CHEK2: variants seen among roughly 807,000 people sequenced by gnomAD.
The protein encoded by CHEK2 is checkpoint kinase 2.
CHEK2 carries 71 observed loss-of-function variants against 69.1 expected under a neutral mutation model. The observed-to-expected ratio is 1.03, with a 90% confidence interval of 0.85 to 1.25. The LOEUF (loss-of-function observed/expected upper bound fraction) is 1.25, where lower values mean the gene tolerates loss of function less well. CHEK2 is among the 50% of genes most tolerant of loss of function. CHEK2 has a pLI of 0.00. For missense variants in CHEK2, 664 were observed against 649.6 expected (o/e 1.02, Z -0.24); for synonymous variants, 189 against 226.9 (o/e 0.83, Z 1.50).
intron 5 of CHEK2, among the ~76,000 whole-genome samples, chr22:28,717,718 T>C (rs1178632749): frequency 3.3e-5 from 5 of 151,288 alleles, no homozygotes; most frequent in Non-Finnish European, 5.9e-5. Flanking sequence ...CTACTAAAAA[T>C]ACAAAAAAAT....
intron 2 of CHEK2, among the ~76,000 whole-genome samples, chr22:28,730,773 G>T (rs2054191310): frequency 1.3e-5 from 2 of 152,254 alleles, no homozygotes; most frequent in African/African-American, 4.8e-5. Flanking sequence ...CAGGAGAATC[G>T]CTTGAAACCG....
At chr22:28,708,952 C>CAAAAAAAAAAAAAAAAA (rs374623367) in intron 7 of CHEK2, 27 of 330,834 alleles carry the variant, frequency 8.2e-5, no homozygotes, top group South Asian at 1.1e-4. Context: ...GCCTCCGTCT[C>CAAAAAAAAAAAAAAAAA]AAAAAAAAAA....
At chr22:28,721,961 A>C (rs1271671057) in intron 4 of CHEK2, among the ~76,000 whole-genome samples, 1 of 151,698 alleles carries the variant, frequency 6.6e-6, no homozygotes, top group Non-Finnish European at 1.5e-5. Context: ...GAATTCCTGG[A>C]CTCAAGCAAT....
chr22:28,738,826 C>G (rs2054485270), intron 1 of CHEK2, among the ~76,000 whole-genome samples: 1 of 152,172 alleles, frequency 6.6e-6, no homozygotes, highest in Non-Finnish European at 1.5e-5. Context: ...TAAAAAGCTT[C>G]TGCACAGCCA....
chr22:28,739,342 A>C (rs1941423106), intron 1 of CHEK2, among the ~76,000 whole-genome samples: 1 of 151,886 alleles, frequency 6.6e-6, no homozygotes. Flanking sequence ...AATGGCCAAC[A>C]GGTATATTAA....
chr22:28,710,196 C>A, intron 6 of CHEK2, 137 bp from the exon 7 acceptor site: 1 of 612,878 alleles, frequency 1.6e-6, no homozygotes. Context: ...AAATCAAAGC[C>A]CAGGTCAATG....
At chr22:28,700,851 G>A (rs568017757) in intron 8 of CHEK2, among the ~76,000 whole-genome samples, 16 of 152,074 alleles carry the variant, frequency 1.1e-4, no homozygotes, top group African/African-American at 3.1e-4. Flanking sequence ...ATGCAATGGC[G>A]CAATCTTGGC....
intron 2 of CHEK2, among the ~76,000 whole-genome samples, chr22:28,732,193 C>A (rs1424203318): frequency 6.6e-6 from 1 of 151,992 alleles, no homozygotes; most frequent in African/African-American, 2.4e-5. Flanking sequence ...TTCACTGCAA[C>A]CTCTGCCTCC....
At chr22:28,700,853 A>C (rs1015438312) in intron 8 of CHEK2, among the ~76,000 whole-genome samples, 1 of 151,814 alleles carries the variant, frequency 6.6e-6, no homozygotes, top group East Asian at 2.0e-4. Context: ...GCAATGGCGC[A>C]ATCTTGGCTC....
intron 4 of CHEK2, 40 bp downstream of exon 4, chr22:28,724,937 G>A (rs770589321): frequency 6.6e-7 from 1 of 1,523,122 alleles, no homozygotes; most frequent in Non-Finnish European, 9.0e-7. Context: ...TGAGAGAGTG[G>A]AAAAAAAAAA....
Position 28,699,901 on chromosome 22 carries a change from C to A in CHEK2, c.945G>T (p.Gly315=), listed in dbSNP as rs876659711. Reference sequence around the variant, plus strand: ...AGGTAGCTTCTTTCAGGCGTTTATTCCCCACCACTTTGTCAAACAGCTCTC... The same window carrying A: ...AGGTAGCTTCTTTCAGGCGTTTATTACCCACCACTTTGTCAAACAGCTCTC... ...EGGELFDKVV[G]NKRLKEATCK... Residue 315 remains glycine (G), a synonymous_variant, in exon 9 of 15, where the codon GGG becomes GGT. Coordinates refer to ENST00000404276, the MANE Select transcript of CHEK2 (RefSeq NM_007194.4). 6.2e-7 allele frequency: 1 copy of A among 1,614,008 alleles called. No individual in the cohort carries two copies. Among genetic ancestry groups the A allele is most frequent in the Non-Finnish European group, 8.5e-7 (1 of 1,179,932 alleles).
chr22:28,713,620 T>A (rs549139277), intron 5 of CHEK2, among the ~76,000 whole-genome samples: 1 of 152,248 alleles, frequency 6.6e-6, no homozygotes, highest in African/African-American at 2.4e-5. Context: ...CCTCCCAAAG[T>A]GCTGGGATTA....
At chr22:28,691,181 T>C (rs2145765005) in intron 13 of CHEK2, among the ~76,000 whole-genome samples, 1 of 148,942 alleles carries the variant, frequency 6.7e-6, no homozygotes, top group Non-Finnish European at 1.5e-5. Context: ...CAGGCCTGTA[T>C]TTAAAACAAG....
intron 6 of CHEK2, among the ~76,000 whole-genome samples, chr22:28,711,456 T>C (rs1453930197): frequency 6.6e-6 from 1 of 152,098 alleles, no homozygotes; most frequent in East Asian, 1.9e-4. Flanking sequence ...AATGCATTTG[T>C]GGAAAAGCAA....
intron 6 of CHEK2, 115 bp from the exon 7 acceptor site, chr22:28,710,174 A>G (rs536868834): frequency 1.5e-6 from 1 of 662,890 alleles, no homozygotes; most frequent in African/African-American, 1.8e-5. Context: ...ACCCAGCTCT[A>G]CTTATACAAA....
At chr22:28,694,999 G>A (rs2052504883) in intron 12 of CHEK2, 128 bp downstream of exon 12, 2 of 689,210 alleles carry the variant, frequency 2.9e-6, no homozygotes. Flanking sequence ...CAAATGGTGT[G>A]AAACTAACAA....
intron 5 of CHEK2, among the ~76,000 whole-genome samples, chr22:28,717,355 G>A (rs1047808466): frequency 6.6e-6 from 1 of 152,134 alleles, no homozygotes. Flanking sequence ...TCCAGCCTGG[G>A]TGACAGAGCG....
chr22:28,711,463 G>A (rs2053387453), intron 6 of CHEK2, among the ~76,000 whole-genome samples: 1 of 152,024 alleles, frequency 6.6e-6, no homozygotes. Flanking sequence ...TTGTGGAAAA[G>A]CAAAATACAA....
At chr22:28,732,901 C>G (rs183252070) in intron 2 of CHEK2, among the ~76,000 whole-genome samples, 34 of 152,256 alleles carry the variant, frequency 2.2e-4, no homozygotes, top group African/African-American at 6.0e-4. Context: ...AAGCAATTCT[C>G]ATGTCTCATC....
Sources: gnomAD v4.1 joint callset for allele counts (sites outside exome capture counted in the v4.1 genomes callset) on GRCh38, gnomAD v4.1.1 for gene constraint, MANE v1.5 for transcripts, NCBI Gene and HGNC (gene_info 2026-07-23, HGNC 2026-07-21) for gene names.